Variants in NNT observed in about 807,000 individuals in gnomAD.
The protein encoded by NNT is nicotinamide nucleotide transhydrogenase, also known as NAD(P) transhydrogenase, mitochondrial.
Under a neutral mutation model 104.8 loss-of-function variants are expected in NNT, and 50 were observed. That is an observed-to-expected ratio of 0.48 (90% CI 0.38 to 0.60). The LOEUF (loss-of-function observed/expected upper bound fraction) is 0.60. NNT is among the 20% of genes least tolerant of loss of function. The pLI is 0.00. For missense variants in NNT, 1,131 were observed against 1,330.7 expected (o/e 0.85, Z 2.33); for synonymous variants, 461 against 490.4 (o/e 0.94, Z 0.79).
intron 1 of NNT, among the ~76,000 whole-genome samples, chr5:43,606,880 G>A (rs1749251412): frequency 6.6e-6 from 1 of 152,200 alleles, no homozygotes; most frequent in African/African-American, 2.4e-5. Flanking sequence ...GGCATCTTAT[G>A]AATAAATATG....
intron 19 of NNT, among the ~76,000 whole-genome samples, chr5:43,687,552 G>A (rs1371130944): frequency 1.3e-5 from 2 of 152,134 alleles, no homozygotes; most frequent in Non-Finnish European, 2.9e-5. Context: ...ACTCATCAGT[G>A]TGCATATATA....
chr5:43,664,598 A>G (rs908174116), intron 17 of NNT, among the ~76,000 whole-genome samples: 2 of 152,164 alleles, frequency 1.3e-5, no homozygotes, highest in Non-Finnish European at 2.9e-5. Flanking sequence ...GTAGAATGCA[A>G]TTTTAATTAT....
intron 3 of NNT, 50 bp from the exon 4 acceptor site, chr5:43,615,798 T>C: frequency 2.9e-6 from 4 of 1,375,464 alleles, no homozygotes; most frequent in Non-Finnish European, 4.0e-6. Flanking sequence ...TGCTTAAAAA[T>C]ATGATTAAAG....
chr5:43,644,225 T>C lies in NNT; in HGVS notation c.998T>C (p.Met333Thr). 1 of 1,609,038 alleles carries C rather than the reference T, an allele frequency of 6.2e-7. No individual in the cohort carries two copies. Among genetic ancestry groups the C allele is most frequent in the South Asian group, 1.1e-5 (1 of 90,208 alleles). ...GCTCCAGTTTTATTTAATAAAGAAA[T>C]GATTGAGTCAATGAAGGAAGGTTCA... ...KKAPVLFNKE[M>T]IESMKEGSVV... Residue 333 changes from methionine to threonine, a missense_variant, in exon 8 of 22, where the codon ATG (methionine) becomes ACG (threonine). Coordinates refer to ENST00000344920, the MANE Select transcript of NNT (RefSeq NM_182977.3).
rs546326095 is a variant in NNT at position 43,619,604 on chromosome 5, T to C, written c.687+485T>C. Among the ~76,000 whole-genome samples the C allele has an allele frequency of 3.9e-5, 6 of 152,230 alleles. No individual in the cohort carries two copies. In the East Asian group the frequency reaches 9.7e-4, roughly 25 times the overall value. On this transcript the variant is annotated intron_variant, in intron 5 of 21. Transcript: ENST00000344920. Reference sequence around the variant, plus strand: ...TGGTGCCAGTTTCTTTAATCCACACTGAAAGCAGAGAGGAGCAGTTAACGA... The same window carrying C: ...TGGTGCCAGTTTCTTTAATCCACACCGAAAGCAGAGAGGAGCAGTTAACGA...
intron 19 of NNT, among the ~76,000 whole-genome samples, chr5:43,688,853 C>T (rs917588664): frequency 6.6e-6 from 1 of 152,182 alleles, no homozygotes; most frequent in Non-Finnish European, 1.5e-5. Flanking sequence ...CTGCTATAAA[C>T]GTGTGTGCAA....
At chr5:43,624,169 A>G in intron 6 of NNT, 49 bp downstream of exon 6, 2 of 1,538,424 alleles carry the variant, frequency 1.3e-6, no homozygotes, top group Non-Finnish European at 1.8e-6. Context: ...ATTTTGTTTC[A>G]GGGGCATATT....
chr5:43,610,890 G>A (rs1457991851), intron 2 of NNT, among the ~76,000 whole-genome samples: 3 of 152,104 alleles, frequency 2.0e-5, no homozygotes, highest in Admixed American at 6.5e-5. Context: ...AGACATTTTT[G>A]TTTAATTTCT....
chr5:43,700,773 G>A (rs1443917662), intron 20 of NNT, among the ~76,000 whole-genome samples: 1 of 152,210 alleles, frequency 6.6e-6, no homozygotes, highest in Non-Finnish European at 1.5e-5. Context: ...ATGTTGAATG[G>A]TAATGACATT....
intron 5 of NNT, among the ~76,000 whole-genome samples, chr5:43,620,116 G>A (rs1427184624): frequency 1.3e-5 from 2 of 152,150 alleles, no homozygotes; most frequent in Non-Finnish European, 2.9e-5. Flanking sequence ...GTCAACATGA[G>A]TTTTCGTGGG....
At chr5:43,644,899 T>C (rs1393788224) in intron 9 of NNT, 97 bp downstream of exon 9, 7 of 983,392 alleles carry the variant, frequency 7.1e-6, no homozygotes, top group Non-Finnish European at 1.0e-5. Flanking sequence ...TGAGACATAT[T>C]TTAATAAGGT....
intron 21 of NNT, among the ~76,000 whole-genome samples, chr5:43,703,101 G>A (rs889572063): frequency 5.3e-5 from 8 of 152,186 alleles, no homozygotes; most frequent in Non-Finnish European, 1.2e-4. Flanking sequence ...CATATGCCAA[G>A]ATGAGCATAT....
At chr5:43,646,405 T>C (rs1326906483) in intron 10 of NNT, among the ~76,000 whole-genome samples, 6 of 152,024 alleles carry the variant, frequency 3.9e-5, no homozygotes, top group African/African-American at 1.4e-4. Flanking sequence ...GCTTCTCACT[T>C]CAGCCTCCTG....
chr5:43,616,504 A>G (rs970466824), intron 4 of NNT, among the ~76,000 whole-genome samples: 17 of 152,222 alleles, frequency 1.1e-4, no homozygotes, highest in Non-Finnish European at 2.5e-4. Context: ...GCTTAGGTAA[A>G]TTTATAAAAT....
intron 4 of NNT, among the ~76,000 whole-genome samples, chr5:43,616,607 A>G (rs372864378): frequency 3.9e-5 from 6 of 152,238 alleles, no homozygotes; most frequent in African/African-American, 1.4e-4. Flanking sequence ...TTCGACCTTT[A>G]AGGTCAAGAT....
chr5:43,677,309 A>G (rs16873454), intron 18 of NNT, among the ~76,000 whole-genome samples: 5,124 of 152,140 alleles, frequency 0.034, 133 homozygotes, highest in East Asian at 0.12. Flanking sequence ...AAAACTATTC[A>G]AGGAACTAGA....
In NNT at chr5:43,656,808, G is replaced by A; in HGVS notation, c.2449G>A (p.Val817Ile). 1.2e-6 allele frequency: 2 copies of A among 1,609,432 alleles called. No homozygotes were observed. Among genetic ancestry groups the A allele is most frequent in the Non-Finnish European group, 1.7e-6 (2 of 1,178,728 alleles). Residue 817 changes from valine to isoleucine, a missense_variant, in exon 16 of 22, where the codon GTC becomes ATC. Physicochemically the swap from Val to Ile is conservative, Grantham distance 29. Transcript: ENST00000344920. ...CLGSVSALSAVMGVTLTAAIG... is the reference protein window; with the variant it reads ...CLGSVSALSAIMGVTLTAAIG... ...GGGTTCAGTGTCTGCTCTCTCTGCT[G>A]TCATGGTAAGAAGTCAGAGATTGAA...
chr5:43,679,612 T>C (rs1741596648), intron 19 of NNT, among the ~76,000 whole-genome samples: 2 of 152,196 alleles, frequency 1.3e-5, no homozygotes, highest in African/African-American at 4.8e-5. Context: ...GACAAATGAA[T>C]TTTTTGTTTC....
chr5:43,615,706 G>T (rs192746878), intron 3 of NNT, 142 bp from the exon 4 acceptor site: 3 of 734,186 alleles, frequency 4.1e-6, no homozygotes, highest in Admixed American at 5.9e-5. Flanking sequence ...TATTGCTTAA[G>T]AATTTAGTCA....
Sources: gnomAD v4.1 joint callset for allele counts (sites outside exome capture counted in the v4.1 genomes callset) on GRCh38, gnomAD v4.1.1 for gene constraint, MANE v1.5 for transcripts, NCBI Gene and HGNC (gene_info 2026-07-23, HGNC 2026-07-21) for gene names.